Variants in PDE7B observed in about 807,000 individuals in gnomAD.
PDE7B encodes the protein phosphodiesterase 7B, also known as 3',5'-cyclic-AMP phosphodiesterase 7B.
Under a neutral mutation model 56.2 loss-of-function variants are expected in PDE7B, and 29 were observed. The ratio of observed to expected loss-of-function variants is 0.52; its 90% CI spans 0.38 to 0.70. The LOEUF (loss-of-function observed/expected upper bound fraction) is 0.70, where lower values mean the gene tolerates loss of function less well. Among genes scored for constraint, PDE7B ranks in the 30% least tolerant of loss-of-function variants. The probability of loss-of-function intolerance (pLI) is 0.00; values close to 1 mark genes in which losing one functional copy is unlikely to be tolerated. For missense variants in PDE7B, 490 were observed against 565.0 expected (o/e 0.87, Z 1.35); for synonymous variants, 197 against 196.9 (o/e 1.00, Z 0.00).
At position 135,885,354 on chromosome 6, in the gene PDE7B, C is replaced by A. The variant is rs148717131; in HGVS notation, c.21+33335C>A. On this transcript the variant is annotated intron_variant, in intron 1 of 12. Transcript: ENST00000308191. ...TTTTTTTTTTTTTTTATCTCACTGC[C>A]ACTACCGTGGCCCAGGGCTGCATCT... Among the ~76,000 whole-genome samples, 834 of 150,624 alleles carry A rather than the reference C, an allele frequency of 5.5e-3. 10 individuals are homozygous for A. Among genetic ancestry groups the A allele is most frequent in the African/African-American group, 0.017 (714 of 41,088 alleles).
chr6:135,920,977 A>G (rs1774065743), intron 1 of PDE7B, among the ~76,000 whole-genome samples: 1 of 152,100 alleles, frequency 6.6e-6, no homozygotes, highest in Non-Finnish European at 1.5e-5. Flanking sequence ...TTCTCTTGGG[A>G]GGTGCCAGCA....
chr6:135,977,293 T>A (rs1327441001), intron 2 of PDE7B, among the ~76,000 whole-genome samples: 1 of 152,028 alleles, frequency 6.6e-6, no homozygotes, highest in Non-Finnish European at 1.5e-5. Context: ...TCATGGAGGA[T>A]GGGTGGAGAT....
intron 8 of PDE7B, among the ~76,000 whole-genome samples, chr6:136,173,040 G>C (rs1276602109): frequency 6.6e-6 from 1 of 151,934 alleles, no homozygotes; most frequent in African/African-American, 2.4e-5. Context: ...CATGCTCATG[G>C]GTAGGAAGAA....
At chr6:136,014,761 T>C (rs1034760718) in intron 2 of PDE7B, among the ~76,000 whole-genome samples, 1 of 152,170 alleles carries the variant, frequency 6.6e-6, no homozygotes, top group African/African-American at 2.4e-5. Context: ...ATATTGGTGA[T>C]TTGTACCTCT....
At chr6:136,159,252 C>T (rs552443246) in intron 8 of PDE7B, among the ~76,000 whole-genome samples, 14 of 152,272 alleles carry the variant, frequency 9.2e-5, no homozygotes, top group South Asian at 6.2e-4. Flanking sequence ...CCCACCCCGT[C>T]CTCAAACAAA....
At chr6:135,858,070 A>G (rs919962115) in intron 1 of PDE7B, among the ~76,000 whole-genome samples, 1 of 152,232 alleles carries the variant, frequency 6.6e-6, no homozygotes, top group African/African-American at 2.4e-5. Context: ...GTGATATTTT[A>G]AAGTGACCAG....
intron 2 of PDE7B, among the ~76,000 whole-genome samples, chr6:135,982,109 C>T (rs1034638795): frequency 3.3e-5 from 5 of 152,028 alleles, no homozygotes. Context: ...TTATCCTGAC[C>T]CCCCCTCTTT....
intron 2 of PDE7B, chr6:136,035,413 C>T (rs1776311272): frequency 6.6e-6 from 1 of 152,252 alleles, no homozygotes; most frequent in Non-Finnish European, 1.5e-5. Context: ...AGCCTCGCAT[C>T]AGTTTGTCCC....
chr6:136,074,791 G>A (rs1305399137), intron 2 of PDE7B, among the ~76,000 whole-genome samples: 1 of 152,122 alleles, frequency 6.6e-6, no homozygotes. Flanking sequence ...GTACTCCATT[G>A]TGTATGTGTC....
intron 2 of PDE7B, among the ~76,000 whole-genome samples, chr6:135,960,174 T>A (rs144926081): frequency 0.013 from 2,025 of 152,266 alleles, 53 homozygotes; most frequent in African/African-American, 0.045. Flanking sequence ...TTCCTAGGAT[T>A]CTAGAATTTT....
intron 4 of PDE7B, among the ~76,000 whole-genome samples, chr6:136,148,015 TCTGA>T (rs1346330246): frequency 2.6e-5 from 4 of 152,202 alleles, no homozygotes; most frequent in Admixed American, 2.0e-4. Flanking sequence ...AATACATTGA[TCTGA>T]CTGAGGGTGG....
chr6:135,950,416 A>C (rs1333685589), intron 2 of PDE7B, among the ~76,000 whole-genome samples: 2 of 152,170 alleles, frequency 1.3e-5, no homozygotes, highest in African/African-American at 4.8e-5. Context: ...TGATATTGTA[A>C]AGGACTATTG....
At chr6:136,183,969 C>T (rs898339138) in intron 11 of PDE7B, among the ~76,000 whole-genome samples, 1 of 152,178 alleles carries the variant, frequency 6.6e-6, no homozygotes, top group Non-Finnish European at 1.5e-5. Flanking sequence ...TATCTCCCTC[C>T]TCTCCCCGAA....
At chr6:136,183,317 G>A (rs918317622) in intron 11 of PDE7B, among the ~76,000 whole-genome samples, 4 of 152,042 alleles carry the variant, frequency 2.6e-5, no homozygotes, top group Admixed American at 6.5e-5. Context: ...TTATAGGCTG[G>A]GCATGGTGGC....
intron 2 of PDE7B, chr6:136,098,135 G>GC (rs1343894191): frequency 6.3e-4 from 45 of 70,936 alleles, no homozygotes; most frequent in African/African-American, 4.5e-3. Flanking sequence ...TTAGTTCCTG[G>GC]GGGGGGGGGG....
At chr6:136,005,734 G>A (rs1285302292) in intron 2 of PDE7B, among the ~76,000 whole-genome samples, 2 of 152,168 alleles carry the variant, frequency 1.3e-5, no homozygotes, top group Admixed American at 6.5e-5. Context: ...TGGAGAAATA[G>A]GAACACTTTT....
At chr6:136,181,060 G>A (rs1440142183) in intron 10 of PDE7B, among the ~76,000 whole-genome samples, 167 bp from the exon 11 acceptor site, 1 of 152,186 alleles carries the variant, frequency 6.6e-6, no homozygotes, top group Non-Finnish European at 1.5e-5. Context: ...TTTGTATCAT[G>A]GTGAATAAGT....
chr6:136,007,367 T>C (rs891180603), intron 2 of PDE7B, among the ~76,000 whole-genome samples: 49 of 152,168 alleles, frequency 3.2e-4, no homozygotes, highest in African/African-American at 1.1e-3. Context: ...GCCTGACGTT[T>C]TCTTTTTTTG....
intron 1 of PDE7B, among the ~76,000 whole-genome samples, chr6:135,924,675 CTTTT>C (rs11356421): frequency 2.4e-5 from 2 of 82,716 alleles, no homozygotes; most frequent in Non-Finnish European, 2.9e-5. Context: ...TTTTGTTTTT[CTTTT>C]TTTTTTTTTG....
Sources: gnomAD v4.1 joint callset for allele counts (sites outside exome capture counted in the v4.1 genomes callset) on GRCh38, gnomAD v4.1.1 for gene constraint, MANE v1.5 for transcripts, NCBI Gene and HGNC (gene_info 2026-07-23, HGNC 2026-07-21) for gene names.